Variants in PTPN4 observed in about 807,000 individuals in gnomAD.
The protein encoded by PTPN4 is protein tyrosine phosphatase non-receptor type 4.
PTPN4 carries 49 observed loss-of-function variants against 135.5 expected under a neutral mutation model. The observed-to-expected ratio is 0.36, with a 90% confidence interval of 0.29 to 0.46. The LOEUF (loss-of-function observed/expected upper bound fraction) is 0.46. Ranked by LOEUF, PTPN4 falls within the 20% of genes least tolerant of loss-of-function variation. The pLI, the probability that PTPN4 is intolerant of heterozygous loss-of-function variation, is 1.00. For missense variants in PTPN4, 860 were observed against 1,101.0 expected (o/e 0.78, Z 3.10); for synonymous variants, 333 against 369.9 (o/e 0.90, Z 1.14).
rs1679721908 is a variant in PTPN4 at position 119,983,311 on chromosome 2, TG to T, written c.*6243del. ...CACACCCTTAGACCCAAACAGGTGC[TG>T]GTTCATGCTTTCTCCACAAATTGGC... On this transcript the variant is annotated 3_prime_UTR_variant, in exon 27 of 27. Coordinates refer to ENST00000263708, the MANE Select transcript of PTPN4 (RefSeq NM_002830.4). The T allele has an allele frequency of 6.6e-6, 1 of 152,246 alleles. No individual in the cohort carries two copies. Among genetic ancestry groups the T allele is most frequent in the African/African-American group, 2.4e-5 (1 of 41,476 alleles). 9.4% of individuals were successfully genotyped at this position (152,246 alleles called of 1,614,324 possible).
chr2:119,820,975 A>G (rs951469954), intron 2 of PTPN4, among the ~76,000 whole-genome samples: 4 of 151,768 alleles, frequency 2.6e-5, no homozygotes, highest in African/African-American at 4.8e-5. Flanking sequence ...GAAAATATTT[A>G]TCCTGAAACT....
chr2:119,865,569 A>G (rs1677820297), intron 3 of PTPN4, among the ~76,000 whole-genome samples: 2 of 152,038 alleles, frequency 1.3e-5, no homozygotes, highest in Non-Finnish European at 2.9e-5. Context: ...TGATGATGAT[A>G]TAGATGCATA....
intron 11 of PTPN4, among the ~76,000 whole-genome samples, chr2:119,917,407 A>G (rs904272449): frequency 6.6e-6 from 1 of 152,218 alleles, no homozygotes; most frequent in African/African-American, 2.4e-5. Context: ...GCATAGGCAC[A>G]TTACAACCTG....
intron 1 of PTPN4, among the ~76,000 whole-genome samples, chr2:119,789,596 T>C (rs573266281): frequency 1.3e-5 from 2 of 152,218 alleles, no homozygotes; most frequent in Non-Finnish European, 2.9e-5. Context: ...GTGTTGTTAT[T>C]TTTGTTTTCA....
At chr2:119,813,244 C>T (rs1393463283) in intron 2 of PTPN4, among the ~76,000 whole-genome samples, 1 of 151,090 alleles carries the variant, frequency 6.6e-6, no homozygotes, top group East Asian at 1.9e-4. Flanking sequence ...TGGCTGGTTT[C>T]TTTCTTTCTT....
chr2:119,856,479 A>G (rs936448997), intron 2 of PTPN4, among the ~76,000 whole-genome samples: 19 of 152,306 alleles, frequency 1.2e-4, no homozygotes, highest in Admixed American at 9.8e-4. Context: ...AAGTGCCCCC[A>G]TACTATGTCC....
chr2:119,804,846 A>T (rs1300476686), intron 1 of PTPN4, among the ~76,000 whole-genome samples: 1 of 152,200 alleles, frequency 6.6e-6, no homozygotes, highest in Non-Finnish European at 1.5e-5. Context: ...ATCCTTGAGG[A>T]ATCATCATAC....
chr2:119,906,031 A>G (rs1257732477), intron 10 of PTPN4, among the ~76,000 whole-genome samples: 1 of 152,194 alleles, frequency 6.6e-6, no homozygotes, highest in Non-Finnish European at 1.5e-5. Flanking sequence ...TAAACAGTTT[A>G]ATGATGCATC....
chr2:119,974,246 T>C (rs1679581087), intron 26 of PTPN4, among the ~76,000 whole-genome samples: 1 of 152,152 alleles, frequency 6.6e-6, no homozygotes, highest in Non-Finnish European at 1.5e-5. Flanking sequence ...AGTTTCGCTC[T>C]TGTTGCCCAG....
At chr2:119,898,766 G>A (rs1001194199) in intron 9 of PTPN4, among the ~76,000 whole-genome samples, 4 of 152,018 alleles carry the variant, frequency 2.6e-5, no homozygotes, top group Admixed American at 6.6e-5. Context: ...TTGTTCTCTC[G>A]TTTTATCTTA....
intron 3 of PTPN4, among the ~76,000 whole-genome samples, chr2:119,871,858 C>T (rs144837769): frequency 2.6e-5 from 4 of 152,110 alleles, no homozygotes; most frequent in African/African-American, 9.6e-5. Flanking sequence ...TTGCTGACAC[C>T]CTATGCCTAC....
intron 7 of PTPN4, among the ~76,000 whole-genome samples, 159 bp from the exon 8 acceptor site, chr2:119,882,344 A>C (rs1172054151): frequency 1.3e-5 from 2 of 152,218 alleles, no homozygotes; most frequent in African/African-American, 4.8e-5. Context: ...AATTGAGACC[A>C]AGAAGAATGT....
At chr2:119,855,576 G>A (rs1426584985) in intron 2 of PTPN4, among the ~76,000 whole-genome samples, 10 of 152,148 alleles carry the variant, frequency 6.6e-5, no homozygotes, top group Non-Finnish European at 1.5e-4. Context: ...GATGCCGTTT[G>A]GAATTTGACA....
intron 1 of PTPN4, among the ~76,000 whole-genome samples, chr2:119,808,711 C>A (rs750996326): frequency 7.9e-5 from 12 of 152,170 alleles, no homozygotes; most frequent in Non-Finnish European, 1.2e-4. Flanking sequence ...AGCCACTTCA[C>A]CCAGCCCAAT....
At chr2:119,898,896 G>A (rs1057211899) in intron 9 of PTPN4, among the ~76,000 whole-genome samples, 4 of 152,024 alleles carry the variant, frequency 2.6e-5, no homozygotes, top group African/African-American at 9.7e-5. Context: ...TACTAACATT[G>A]TATCTTGATT....
At chr2:119,789,516 C>T (rs1333320209) in intron 1 of PTPN4, among the ~76,000 whole-genome samples, 2 of 152,086 alleles carry the variant, frequency 1.3e-5, no homozygotes, top group East Asian at 3.8e-4. Flanking sequence ...TGCCATGAAG[C>T]TCTATTCCTA....
At chr2:119,866,316 G>A (rs1480246219) in intron 3 of PTPN4, among the ~76,000 whole-genome samples, 1 of 151,950 alleles carries the variant, frequency 6.6e-6, no homozygotes, top group Non-Finnish European at 1.5e-5. Flanking sequence ...ATTAATTATT[G>A]TTGGCCTGAT....
intron 24 of PTPN4, among the ~76,000 whole-genome samples, chr2:119,963,766 G>A (rs1210276997): frequency 6.6e-6 from 1 of 152,166 alleles, no homozygotes; most frequent in African/African-American, 2.4e-5. Flanking sequence ...ATGGTCTAAT[G>A]TAACAGGTCA....
chr2:119,927,355 C>CA (rs1447480403), intron 13 of PTPN4, among the ~76,000 whole-genome samples: 1 of 151,816 alleles, frequency 6.6e-6, no homozygotes, highest in African/African-American at 2.4e-5. Flanking sequence ...AGGTGATCCC[C>CA]CCCACCTTGG....
Sources: allele counts gnomAD v4.1 joint callset (sites outside exome capture counted in the v4.1 genomes callset), GRCh38; gene constraint gnomAD v4.1.1; transcripts MANE v1.5; gene names NCBI Gene and HGNC (gene_info 2026-07-23, HGNC 2026-07-21).